The following CACNA2D4 variants were observed in gnomAD, a reference collection of about 807,000 sequenced individuals.
CACNA2D4 encodes calcium voltage-gated channel auxiliary subunit alpha2delta 4, also known as voltage-dependent calcium channel subunit alpha-2/delta-4.
Under a neutral mutation model 163.8 loss-of-function variants are expected in CACNA2D4, and 157 were observed. That is an observed-to-expected ratio of 0.96 (90% confidence interval 0.84 to 1.09). The LOEUF is 1.09. CACNA2D4 is among the 50% of genes least tolerant of loss of function. CACNA2D4 has a pLI of 0.00. For missense variants in CACNA2D4, 1,410 were observed against 1,479.9 expected (o/e 0.95, Z 0.78); for synonymous variants, 598 against 586.9 (o/e 1.02, Z -0.27).
chr12:1,909,317 G>T (rs531192483), intron 4 of CACNA2D4, among the ~76,000 whole-genome samples: 100 of 152,316 alleles, frequency 6.6e-4, no homozygotes, highest in African/African-American at 2.3e-3. Context: ...TCAGCCTCCT[G>T]AGTAGCTGGG....
intron 6 of CACNA2D4, among the ~76,000 whole-genome samples, chr12:1,893,250 T>A (rs1171150161): frequency 6.6e-6 from 1 of 152,060 alleles, no homozygotes; most frequent in African/African-American, 2.4e-5. Context: ...ACAAAACAAG[T>A]CTCAGTAAAT....
At position 1,874,266 on chromosome 12, in the gene CACNA2D4, G is replaced by C. The variant is rs1180140390; in HGVS notation, c.1878+338C>G. Among the ~76,000 whole-genome samples, 1 of 152,116 alleles carries C rather than the reference G, an allele frequency of 6.6e-6. No individual in the cohort carries two copies. The highest frequency in any genetic ancestry group is 1.9e-4 in the East Asian group (1 of 5,192). On this transcript the variant is annotated intron_variant, in intron 18 of 37. Coordinates refer to ENST00000382722, the MANE Select transcript of CACNA2D4 (RefSeq NM_172364.5). The surrounding 1 kb of genome is among the most constrained non-coding windows in gnomAD (Gnocchi z 4.4). The stretch of plus-strand genomic sequence containing the variant: ...GAGCTGCTTACCATTTACAAAATCA[G>C]CTGTCACGTTTCCCCTTTTCATTAT...
intron 26 of CACNA2D4, among the ~76,000 whole-genome samples, chr12:1,813,145 G>A (rs929224305): frequency 6.6e-6 from 1 of 152,174 alleles, no homozygotes; most frequent in African/African-American, 2.4e-5. Context: ...TGGAAGGGCA[G>A]AAGTTGCATA....
At chr12:1,807,763 A>G (rs1341690248) in intron 29 of CACNA2D4, among the ~76,000 whole-genome samples, 3 of 152,096 alleles carry the variant, frequency 2.0e-5, no homozygotes, top group Non-Finnish European at 4.4e-5. Flanking sequence ...CTGCATGGTC[A>G]GAGCTGTCCA....
intron 36 of CACNA2D4, 76 bp from the exon 37 acceptor site, chr12:1,795,457 C>A: frequency 7.2e-7 from 1 of 1,396,942 alleles, no homozygotes; most frequent in Non-Finnish European, 9.9e-7. Context: ...TCTGGAAGAA[C>A]CTGCTCTGGT....
rs370284193 is a variant in CACNA2D4 at position 1,914,825 on chromosome 12, G to A, written c.309+29C>T. On this transcript the variant is annotated intron_variant, in intron 2 of 37. Coordinates refer to ENST00000382722, the MANE Select transcript of CACNA2D4 (RefSeq NM_172364.5). Reference sequence around the variant, plus strand: ...GATGGCTGACTGCCCTCTGCCACCCGGTGGGCTCTCTGGAAGGGGGTGACT... The same window carrying A: ...GATGGCTGACTGCCCTCTGCCACCCAGTGGGCTCTCTGGAAGGGGGTGACT... 1,327 of 1,548,908 alleles carry A rather than the reference G, an allele frequency of 8.6e-4. 4 individuals carry two copies. Among genetic ancestry groups the A allele is most frequent in the Non-Finnish European group, 1.0e-3 (1,135 of 1,120,768 alleles).
chr12:1,828,447 G>A lies in CACNA2D4; in HGVS notation c.2551+12292C>T, dbSNP rs767028621. On this transcript the variant is annotated intron_variant, in intron 26 of 37. Coordinates refer to ENST00000382722, the MANE Select transcript of CACNA2D4 (RefSeq NM_172364.5). This position sits in a 1 kb window ranked among gnomAD's most constrained non-coding sequence, Gnocchi z 4.2. Reference sequence around the variant, plus strand: ...TGCTGAGTGGTTAGACCTGGAGCTGGAGGCCACGACAGTTGTTCTACCTCC... The same window carrying A: ...TGCTGAGTGGTTAGACCTGGAGCTGAAGGCCACGACAGTTGTTCTACCTCC... Among the ~76,000 whole-genome samples, 7 of 152,222 alleles carry A rather than the reference G, an allele frequency of 4.6e-5. No homozygotes were observed. The highest frequency in any genetic ancestry group is 1.0e-4 in the Non-Finnish European group (7 of 68,022).
intron 23 of CACNA2D4, among the ~76,000 whole-genome samples, chr12:1,849,766 T>G (rs1036589880): frequency 7.9e-5 from 12 of 152,260 alleles, no homozygotes; most frequent in Admixed American, 2.0e-4. Context: ...CATATACGCA[T>G]GTACATTTAT....
chr12:1,836,994 A>C (rs1156976170), intron 26 of CACNA2D4, among the ~76,000 whole-genome samples: 1 of 152,264 alleles, frequency 6.6e-6, no homozygotes, highest in Non-Finnish European at 1.5e-5. Context: ...ATGGCCTGGC[A>C]GATCCAGGAT....
At chr12:1,831,747 A>G (rs879525802) in intron 26 of CACNA2D4, among the ~76,000 whole-genome samples, 1 of 114,316 alleles carries the variant, frequency 8.7e-6, no homozygotes, top group Non-Finnish European at 1.8e-5. Flanking sequence ...TGCTCCCTCC[A>G]CCCCCACCCT....
At chr12:1,858,509 T>C (rs1865449922) in intron 20 of CACNA2D4, 68 bp downstream of exon 20, 4 of 1,441,128 alleles carry the variant, frequency 2.8e-6, no homozygotes, top group African/African-American at 2.8e-5. Context: ...GGGTTGGCCC[T>C]GCCCAGTGTC....
intron 6 of CACNA2D4, among the ~76,000 whole-genome samples, chr12:1,893,769 G>C (rs191091383): frequency 4.6e-5 from 7 of 152,200 alleles, no homozygotes; most frequent in South Asian, 4.1e-4. Context: ...GCAGTATAAA[G>C]AGGACAGTTT....
At chr12:1,819,953 C>T (rs1182966732) in intron 26 of CACNA2D4, among the ~76,000 whole-genome samples, 1 of 152,210 alleles carries the variant, frequency 6.6e-6, no homozygotes, top group Non-Finnish European at 1.5e-5. Flanking sequence ...CTCTGCATGA[C>T]CATGTGATCC....
chr12:1,893,072 A>C (rs1275309191), intron 6 of CACNA2D4, among the ~76,000 whole-genome samples: 1 of 152,242 alleles, frequency 6.6e-6, no homozygotes, highest in Non-Finnish European at 1.5e-5. Flanking sequence ...CACTCTCAGC[A>C]TTATGTAGAT....
intron 26 of CACNA2D4, among the ~76,000 whole-genome samples, chr12:1,821,394 C>G (rs1037092142): frequency 6.6e-6 from 1 of 152,172 alleles, no homozygotes; most frequent in South Asian, 2.1e-4. Flanking sequence ...AACCCTCCCC[C>G]AGATGAGCAT....
rs945939653 is a variant in CACNA2D4 at position 1,828,139 on chromosome 12, G to A, written c.2551+12600C>T. The A allele has an allele frequency of 2.6e-6, 4 of 1,536,080 alleles. No homozygotes were observed. The highest frequency in any genetic ancestry group is 2.6e-6 in the Non-Finnish European group (3 of 1,139,994). On this transcript the variant is annotated intron_variant, in intron 26 of 37. Transcript: ENST00000382722. This position sits in a 1 kb window ranked among gnomAD's most constrained non-coding sequence, Gnocchi z 4.2. ...AGAGCGACAGGGCCCGGAGAGCCGT[G>A]GGCCTCACCATGCTGGCGCCGGGCA... is the stretch of plus-strand genomic sequence containing the variant.
intron 4 of CACNA2D4, 89 bp from the exon 5 acceptor site, chr12:1,908,126 G>C (rs1222603219): frequency 2.0e-5 from 27 of 1,368,490 alleles, no homozygotes; most frequent in Non-Finnish European, 2.4e-5. Context: ...GTGAGAGGAC[G>C]AGAGGGCCGG....
At chr12:1,902,114 T>G (rs7294328) in intron 6 of CACNA2D4, among the ~76,000 whole-genome samples, 23,038 of 151,966 alleles carry the variant, frequency 0.15, 2,015 homozygotes, top group African/African-American at 0.24. Flanking sequence ...AAAAAAACTG[T>G]ATGATCATTT....
chr12:1,906,397 G>T (rs1565739247), intron 6 of CACNA2D4, among the ~76,000 whole-genome samples: 3 of 152,202 alleles, frequency 2.0e-5, no homozygotes, highest in Non-Finnish European at 2.9e-5. Context: ...CAGAATGGGA[G>T]AAATTATTTG....
Sources: allele counts gnomAD v4.1 joint callset (sites outside exome capture counted in the v4.1 genomes callset), GRCh38; gene constraint gnomAD v4.1.1; non-coding constraint Gnocchi (gnomAD v3.1); transcripts MANE v1.5; gene names NCBI Gene and HGNC (gene_info 2026-07-23, HGNC 2026-07-21).